KBTBD12: variants seen among roughly 807,000 people sequenced by gnomAD.
KBTBD12 encodes the protein kelch repeat and BTB domain-containing protein 12.
In KBTBD12, 53 loss-of-function variants were observed where a neutral mutation model predicts 58.7. The ratio of observed to expected loss-of-function variants is 0.90; its 90% CI spans 0.72 to 1.14. The LOEUF (loss-of-function observed/expected upper bound fraction) is 1.14, where lower values mean the gene tolerates loss of function less well. Among genes scored for constraint, KBTBD12 ranks in the 50% most tolerant of loss-of-function variants. The pLI, the probability that KBTBD12 is intolerant of heterozygous loss-of-function variation, is 0.00. For missense variants in KBTBD12, 704 were observed against 751.3 expected (o/e 0.94, Z 0.74); for synonymous variants, 236 against 259.8 (o/e 0.91, Z 0.88).
At chr3:127,952,285 T>A (rs563836180) in intron 4 of KBTBD12, among the ~76,000 whole-genome samples, 12 of 152,332 alleles carry the variant, frequency 7.9e-5, no homozygotes, top group African/African-American at 1.2e-4. Flanking sequence ...AATAACTTTT[T>A]AAAATATCTC....
At chr3:127,951,633 G>T (rs1218111699) in intron 4 of KBTBD12, among the ~76,000 whole-genome samples, 1 of 152,166 alleles carries the variant, frequency 6.6e-6, no homozygotes, top group Non-Finnish European at 1.5e-5. Context: ...TTTCTCAGGA[G>T]CATGGGACTT....
At chr3:127,951,472 G>A (rs893763261) in intron 4 of KBTBD12, among the ~76,000 whole-genome samples, 6 of 152,216 alleles carry the variant, frequency 3.9e-5, no homozygotes, top group African/African-American at 1.4e-4. Context: ...GAGTGAGTCA[G>A]CCTCTGATTG....
intron 4 of KBTBD12, among the ~76,000 whole-genome samples, chr3:127,938,232 T>C (rs1292476922): frequency 6.6e-6 from 1 of 152,154 alleles, no homozygotes. Flanking sequence ...ATAATTAATA[T>C]TTTTAAACAG....
chr3:127,931,586 C>G (rs1320251365), intron 4 of KBTBD12, among the ~76,000 whole-genome samples: 2 of 152,006 alleles, frequency 1.3e-5, no homozygotes, highest in Non-Finnish European at 2.9e-5. Context: ...ATGAGATTTC[C>G]CCCTAAAGTG....
rs1198278006 is a variant in KBTBD12 at position 127,987,596 on chromosome 3, T to G, written c.*3318T>G. On this transcript the variant is annotated 3_prime_UTR_variant, in exon 6 of 6. Coordinates refer to ENST00000405109, the MANE Select transcript of KBTBD12 (RefSeq NM_207335.4). ...CCCAGTGTGTTCAACACGGTGGCATTGTTCTCCCTGACTTCATAATGAGCA... is the reference window on the plus strand; with the variant it reads ...CCCAGTGTGTTCAACACGGTGGCATGGTTCTCCCTGACTTCATAATGAGCA... 4 of 152,258 alleles carry G rather than the reference T, an allele frequency of 2.6e-5. No individual in the cohort carries two copies. The highest frequency in any genetic ancestry group is 9.6e-5 in the African/African-American group (4 of 41,468). The allele number at this position is 152,258 out of a possible 1,614,324, so 9.4% of individuals were successfully genotyped here. A position where few individuals can be genotyped will look rare whatever the true frequency, so the allele number is the denominator to read the frequency against.
At chr3:127,949,084 T>C (rs1940148896) in intron 4 of KBTBD12, among the ~76,000 whole-genome samples, 2 of 152,162 alleles carry the variant, frequency 1.3e-5, no homozygotes, top group Non-Finnish European at 2.9e-5. Flanking sequence ...TCAAGAAAGC[T>C]GGCAGGGAAG....
chr3:127,963,268 G>C lies in KBTBD12; in HGVS notation c.1572G>C (p.Gly524=). Residue 524 remains glycine (G), a synonymous_variant, in exon 5 of 6, where the codon GGG becomes GGC. Coordinates refer to ENST00000405109, the MANE Select transcript of KBTBD12 (RefSeq NM_207335.4). ...LDVVEIYNPD[G]DFWREGPPMP... ...TGGTGGAGATCTACAACCCAGATGG[G>C]GACTTTTGGCGAGAGGGCCCTCCCA... 6.2e-7 allele frequency: 1 copy of C among 1,612,480 alleles called. No homozygotes were observed. The highest frequency in any genetic ancestry group is 8.5e-7 in the Non-Finnish European group (1 of 1,179,378).
intron 4 of KBTBD12, among the ~76,000 whole-genome samples, chr3:127,946,913 C>T (rs1445750526): frequency 6.6e-6 from 1 of 152,144 alleles, no homozygotes; most frequent in African/African-American, 2.4e-5. Context: ...GCTGTTAACC[C>T]AGCCATTTTC....
chr3:127,945,979 C>T (rs990285821), intron 4 of KBTBD12, among the ~76,000 whole-genome samples: 23 of 151,960 alleles, frequency 1.5e-4, no homozygotes, highest in Non-Finnish European at 2.4e-4. Flanking sequence ...GCGCCTGGCC[C>T]GTTTATATTA....
At chr3:127,922,071 C>T (rs1939423269) in intron 1 of KBTBD12, among the ~76,000 whole-genome samples, 1 of 152,082 alleles carries the variant, frequency 6.6e-6, no homozygotes, top group South Asian at 2.1e-4. Flanking sequence ...CTAGGAATGT[C>T]CTTCTTTAAA....
At chr3:127,976,603 C>T (rs1303078889) in intron 5 of KBTBD12, among the ~76,000 whole-genome samples, 1 of 152,164 alleles carries the variant, frequency 6.6e-6, no homozygotes, top group Non-Finnish European at 1.5e-5. Flanking sequence ...CTTTAATTAC[C>T]TAGTCAAGAT....
intron 3 of KBTBD12, among the ~76,000 whole-genome samples, chr3:127,929,391 A>G (rs1939648385): frequency 6.6e-6 from 1 of 152,204 alleles, no homozygotes; most frequent in Non-Finnish European, 1.5e-5. Flanking sequence ...ATCCCAAAAA[A>G]ATGGCACTCA....
intron 4 of KBTBD12, among the ~76,000 whole-genome samples, chr3:127,932,365 C>A (rs763263226): frequency 2.0e-5 from 3 of 152,114 alleles, no homozygotes; most frequent in African/African-American, 4.8e-5. Context: ...AATTGGAATT[C>A]GGGCAACTAT....
chr3:127,961,491 T>G (rs1224775404), intron 4 of KBTBD12, among the ~76,000 whole-genome samples: 2 of 152,186 alleles, frequency 1.3e-5, no homozygotes, highest in Non-Finnish European at 2.9e-5. Context: ...TCAGTTTATA[T>G]CAGCAAAGAG....
At chr3:127,975,736 T>C (rs1367432848) in intron 5 of KBTBD12, among the ~76,000 whole-genome samples, 4 of 152,218 alleles carry the variant, frequency 2.6e-5, no homozygotes, top group Non-Finnish European at 2.9e-5. Flanking sequence ...CACTGATTTG[T>C]TAGCATGAGA....
At chr3:127,972,283 A>G (rs1161893519) in intron 5 of KBTBD12, among the ~76,000 whole-genome samples, 1 of 152,178 alleles carries the variant, frequency 6.6e-6, no homozygotes, top group Non-Finnish European at 1.5e-5. Context: ...TCTGGCCCCA[A>G]AGTCTATATT....
intron 4 of KBTBD12, among the ~76,000 whole-genome samples, chr3:127,957,383 T>C (rs1559770191): frequency 6.6e-6 from 1 of 152,216 alleles, no homozygotes; most frequent in Non-Finnish European, 1.5e-5. Context: ...TGTGTCTCTT[T>C]CATTTCTAAG....
chr3:127,972,076 A>T (rs1940693066), intron 5 of KBTBD12, among the ~76,000 whole-genome samples: 1 of 152,262 alleles, frequency 6.6e-6, no homozygotes. Context: ...ACCAATGCAG[A>T]TTAAAATTGA....
Position 127,978,010 on chromosome 3 carries a change from G to A in KBTBD12, c.1691-6087G>A, listed in dbSNP as rs568133909. 2.5e-3 allele frequency among the ~76,000 whole-genome samples: 388 copies of A among 152,242 alleles called. 6 individuals are homozygous for A. Among genetic ancestry groups the A allele is most frequent in the African/African-American group, 9.1e-3 (377 of 41,536 alleles). On this transcript the variant is annotated intron_variant, in intron 5 of 5. Coordinates refer to ENST00000405109, the MANE Select transcript of KBTBD12 (RefSeq NM_207335.4). ...TCTTGAGTTGATTTTTGTATATGGC[G>A]TAAGGAAGGGGTCCAGTTTCAATAT...
Sources: gnomAD v4.1 joint callset for allele counts (sites outside exome capture counted in the v4.1 genomes callset) on GRCh38, gnomAD v4.1.1 for gene constraint, MANE v1.5 for transcripts, NCBI Gene and HGNC (gene_info 2026-07-23, HGNC 2026-07-21) for gene names.